Variants in ARHGAP39 observed in about 807,000 individuals in gnomAD.
The protein encoded by ARHGAP39 is Rho GTPase activating protein 39.
In ARHGAP39, 44 loss-of-function variants were observed where a neutral mutation model predicts 106.9. The observed-to-expected ratio is 0.41, with a 90% CI of 0.32 to 0.53. The LOEUF (loss-of-function observed/expected upper bound fraction) is 0.53, where lower values mean the gene tolerates loss of function less well. Ranked by LOEUF, ARHGAP39 falls within the 20% of genes least tolerant of loss-of-function variation. The probability of loss-of-function intolerance (pLI) is 0.21; values close to 1 mark genes in which losing one functional copy is unlikely to be tolerated. For missense variants in ARHGAP39, 1,496 were observed against 1,577.3 expected, an observed-to-expected ratio of 0.95 and a Z score of 0.87; for synonymous variants, 768 against 693.2, an observed-to-expected ratio of 1.11 and a Z score of -1.69.
chr8:144,616,087 A>G (rs996277646), intron 1 of ARHGAP39, among the ~76,000 whole-genome samples: 10 of 152,248 alleles, frequency 6.6e-5, no homozygotes, highest in Admixed American at 5.2e-4. Context: ...ATGCGCAGAA[A>G]AAGAATTTCT....
intron 1 of ARHGAP39, among the ~76,000 whole-genome samples, chr8:144,651,640 G>A (rs1821576710): frequency 6.6e-6 from 1 of 152,132 alleles, no homozygotes; most frequent in African/African-American, 2.4e-5. Context: ...CTAGGAGGAG[G>A]AGGTTGCAGT....
At position 144,646,040 on chromosome 8, in the gene ARHGAP39, A is replaced by G. The variant is rs1030943929; in HGVS notation, c.-82+39646T>C. 2.0e-5 allele frequency among the ~76,000 whole-genome samples: 3 copies of G among 152,092 alleles called. No homozygotes were observed. The highest frequency in any genetic ancestry group is 7.2e-5 in the African/African-American group (3 of 41,398). ...AGGTAACCACATTGAACACACCACC[A>G]CCTGACCAGCAACCACCTGCTGGGC... On this transcript the variant is annotated intron_variant, in intron 1 of 11. Coordinates refer to ENST00000377307, the MANE Select transcript of ARHGAP39 (RefSeq NM_025251.3). This position sits in a 1 kb window ranked among gnomAD's most constrained non-coding sequence, Gnocchi z 5.7.
In ARHGAP39 at chr8:144,644,691, C is replaced by T. The variant is rs1350729554; in HGVS notation, c.-81-38996G>A. Among the ~76,000 whole-genome samples the T allele has an allele frequency of 6.6e-6, 1 of 152,230 alleles. No individual in the cohort carries two copies. Among genetic ancestry groups the T allele is most frequent in the Non-Finnish European group, 1.5e-5 (1 of 68,044 alleles). Reference sequence around the variant, plus strand: ...AGGCCCTTGGGAGCAGTGCAGTCTGCAGGACTTCATCATCAACCCAGGCCA... The same window carrying T: ...AGGCCCTTGGGAGCAGTGCAGTCTGTAGGACTTCATCATCAACCCAGGCCA... On this transcript the variant is annotated intron_variant, in intron 1 of 11. Transcript: ENST00000377307. This position sits in a 1 kb window ranked among gnomAD's most constrained non-coding sequence, Gnocchi z 4.8.
chr8:144,564,798 T>C (rs1378711828), intron 3 of ARHGAP39, among the ~76,000 whole-genome samples: 2 of 135,716 alleles, frequency 1.5e-5, no homozygotes, highest in Admixed American at 1.5e-4. Flanking sequence ...CTGGGCAACA[T>C]AGTGAGATCT....
chr8:144,600,304 G>A (rs1027183427), intron 2 of ARHGAP39, among the ~76,000 whole-genome samples: 4 of 151,016 alleles, frequency 2.6e-5, no homozygotes, highest in Non-Finnish European at 4.4e-5. Flanking sequence ...GTGTGCGTGT[G>A]CATGGAGGCG....
chr8:144,649,215 G>A (rs973451166), intron 1 of ARHGAP39, among the ~76,000 whole-genome samples: 3 of 148,560 alleles, frequency 2.0e-5, no homozygotes, highest in African/African-American at 7.5e-5. Context: ...AGGCTGAGGT[G>A]GGCAGATCAC....
chr8:144,697,087 G>A, the ARHGAP39 span, among the ~76,000 whole-genome samples: 1 of 152,180 alleles, frequency 6.6e-6, no homozygotes, highest in Non-Finnish European at 1.5e-5. Flanking sequence ...CACTTTGGGA[G>A]GCCGAGGCAG....
In ARHGAP39 at chr8:144,564,727, T is replaced by A. The variant is rs188198884; in HGVS notation, c.513-9084A>T. Among the ~76,000 whole-genome samples the A allele has an allele frequency of 4.0e-5, 6 of 151,430 alleles. No individual in the cohort carries two copies. The East Asian group carries it at 7.7e-4, about 20-fold the overall frequency. On this transcript the variant is annotated intron_variant, in intron 3 of 11. Transcript: ENST00000377307. ...TGGGCATGGAGACTCACGCCTATAA[T>A]CCTAGCACTTTGAGAGGCTGAGGCA...
Position 144,534,113 on chromosome 8 carries a change from C to G in ARHGAP39, c.2688+16G>C, listed in dbSNP as rs1816853634. 2 of 1,611,908 alleles carry G rather than the reference C, an allele frequency of 1.2e-6. No homozygotes were observed. The highest frequency in any genetic ancestry group is 2.2e-5 in the South Asian group (2 of 90,956). On this transcript the variant is annotated intron_variant, in intron 8 of 11. Coordinates refer to ENST00000377307, the MANE Select transcript of ARHGAP39 (RefSeq NM_025251.3). ...GTCCCCGCCTGCCCTCCCCGGCCCC[C>G]CAGGCGCACCCGTACCTTCTTGGCC...
At chr8:144,618,984 G>T (rs1378668931) in intron 1 of ARHGAP39, among the ~76,000 whole-genome samples, 1 of 152,178 alleles carries the variant, frequency 6.6e-6, no homozygotes, top group Non-Finnish European at 1.5e-5. Flanking sequence ...GGGCCCCCAG[G>T]GCCTGTGGTG....
chr8:144,681,287 G>A (rs2129766058), intron 1 of ARHGAP39, among the ~76,000 whole-genome samples: 2 of 152,300 alleles, frequency 1.3e-5, no homozygotes, highest in South Asian at 4.1e-4. Context: ...TAACGAGAAG[G>A]GACAGGAGAC....
intron 1 of ARHGAP39, among the ~76,000 whole-genome samples, chr8:144,613,858 C>T (rs1432819501): frequency 6.6e-6 from 1 of 152,198 alleles, no homozygotes; most frequent in African/African-American, 2.4e-5. Context: ...ATTCTTCTGT[C>T]CCTCCCTTCC....
intron 9 of ARHGAP39, 139 bp downstream of exon 9, chr8:144,532,987 C>A: frequency 9.4e-7 from 1 of 1,064,890 alleles, no homozygotes; most frequent in Non-Finnish European, 1.3e-6. Flanking sequence ...CACTGTGGCC[C>A]CACCCTTCCA....
At chr8:144,692,149 G>A in the ARHGAP39 span, among the ~76,000 whole-genome samples, 1 of 152,054 alleles carries the variant, frequency 6.6e-6, no homozygotes, top group Non-Finnish European at 1.5e-5. Context: ...CTTCCCTGCT[G>A]TCTCTCCCCA....
chr8:144,666,267 C>T (rs540209039), intron 1 of ARHGAP39, among the ~76,000 whole-genome samples: 1 of 152,280 alleles, frequency 6.6e-6, no homozygotes, highest in South Asian at 2.1e-4. Flanking sequence ...TTTACAGGCT[C>T]ACAGGCAGAA....
intron 1 of ARHGAP39, among the ~76,000 whole-genome samples, chr8:144,642,441 C>A (rs1390222583): frequency 1.3e-5 from 2 of 151,820 alleles, no homozygotes; most frequent in African/African-American, 4.8e-5. Context: ...GAGCTGACAT[C>A]ATGCTACCAC....
At position 144,544,925 on chromosome 8, in the gene ARHGAP39, G is replaced by A. The variant is rs548328256; in HGVS notation, c.2521+324C>T. Among the ~76,000 whole-genome samples, 8 of 152,378 alleles carry A rather than the reference G, an allele frequency of 5.3e-5. No homozygotes were observed. In the South Asian group the frequency reaches 8.3e-4, roughly 16 times the overall value. ...ACAGGTGCCTGACTACGGCTGCTCC[G>A]CCCTCGGCGTCTTCGTGCCTGCCCT... is the stretch of plus-strand genomic sequence containing the variant. On this transcript the variant is annotated intron_variant, in intron 6 of 11. Coordinates refer to ENST00000377307, the MANE Select transcript of ARHGAP39 (RefSeq NM_025251.3).
intron 1 of ARHGAP39, among the ~76,000 whole-genome samples, chr8:144,661,622 C>G (rs1397549637): frequency 3.9e-5 from 6 of 152,148 alleles, no homozygotes; most frequent in African/African-American, 1.4e-4. Flanking sequence ...CTGCCCTCAA[C>G]TGATCTGCCC....
intron 1 of ARHGAP39, among the ~76,000 whole-genome samples, chr8:144,629,491 T>TG (rs1198952545): frequency 2.6e-5 from 4 of 152,226 alleles, no homozygotes; most frequent in Non-Finnish European, 4.4e-5. Context: ...GGAGTGGGGC[T>TG]GGGGACAGCC....
Sources: gnomAD v4.1 joint callset for allele counts (sites outside exome capture counted in the v4.1 genomes callset) on GRCh38, gnomAD v4.1.1 for gene constraint, Gnocchi (gnomAD v3.1) non-coding constraint, MANE v1.5 for transcripts, NCBI Gene and HGNC (gene_info 2026-07-23, HGNC 2026-07-21) for gene names.